The following FOXP2 variants were observed in gnomAD, a reference collection of about 807,000 sequenced individuals.
FOXP2 encodes the protein forkhead box P2, also known as forkhead box protein P2.
A neutral mutation model predicts 115.8 loss-of-function variants in FOXP2; 12 were observed. That is an observed-to-expected ratio of 0.10 (90% CI 0.07 to 0.17). FOXP2 has a LOEUF of 0.17. Among genes scored for constraint, FOXP2 ranks in the 10% least tolerant of loss-of-function variants. The probability of loss-of-function intolerance (pLI) is 1.00; values close to 1 mark genes in which losing one functional copy is unlikely to be tolerated. For synonymous variants in FOXP2, 328 were observed against 297.7 expected, an observed-to-expected ratio of 1.10 and a Z score of -1.05; for missense variants, 629 against 843.5, an observed-to-expected ratio of 0.75 and a Z score of 3.15.
intron 2 of FOXP2, among the ~76,000 whole-genome samples, chr7:114,372,846 T>C (rs987166387): frequency 1.1e-4 from 17 of 152,312 alleles, no homozygotes; most frequent in African/African-American, 3.6e-4. Flanking sequence ...TTGCGTAACA[T>C]GTTTAAGTTA....
chr7:114,563,876 T>C (rs1173289631), intron 3 of FOXP2, among the ~76,000 whole-genome samples: 1 of 150,128 alleles, frequency 6.7e-6, no homozygotes, highest in Non-Finnish European at 1.5e-5. Flanking sequence ...CCTTATCCTT[T>C]ACTCTCTCAC....
intron 3 of FOXP2, among the ~76,000 whole-genome samples, chr7:114,590,714 A>T (rs1802398342): frequency 6.6e-6 from 1 of 152,138 alleles, no homozygotes; most frequent in South Asian, 2.1e-4. Flanking sequence ...TGTAAGGGCT[A>T]GTATTTGAGT....
intron 1 of FOXP2, among the ~76,000 whole-genome samples, chr7:114,253,819 ATTTGATCCTGTCAT>A (rs1359002894): frequency 2.0e-5 from 3 of 152,134 alleles, no homozygotes; most frequent in Non-Finnish European, 4.4e-5. Flanking sequence ...TTATGTGTGA[ATTTGATCCTGTCAT>A]TATGATGTTA....
chr7:114,160,337 T>G (rs1019667646), upstream of FOXP2, among the ~76,000 whole-genome samples: 1 of 152,104 alleles, frequency 6.6e-6, no homozygotes, highest in Non-Finnish European at 1.5e-5. Context: ...TTTGGGATAT[T>G]GTTTTCTGAG....
intron 1 of FOXP2, among the ~76,000 whole-genome samples, chr7:114,172,445 G>C (rs1225981344): frequency 6.6e-6 from 1 of 152,158 alleles, no homozygotes; most frequent in South Asian, 2.1e-4. Context: ...GGCATTATGT[G>C]TTTGTCAAAA....
At chr7:114,439,733 A>G (rs1794516519) in intron 2 of FOXP2, among the ~76,000 whole-genome samples, 1 of 150,354 alleles carries the variant, frequency 6.7e-6, no homozygotes, top group South Asian at 2.1e-4. Context: ...GTGTGTATAT[A>G]GATGTGTGTG....
Position 114,176,179 on chromosome 7 carries a change from T to TTCTTG in FOXP2, c.-102+13141_-102+13145dup, listed in dbSNP as rs67055887. 8.4e-3 allele frequency among the ~76,000 whole-genome samples: 1,224 copies of TTCTTG among 145,366 alleles called. 7 individuals carry two copies. Among genetic ancestry groups the TTCTTG allele is most frequent in the East Asian group, 0.013 (62 of 4,900 alleles). On this transcript the variant is annotated intron_variant, in intron 1 of 17. Transcript: ENST00000634411. The stretch of plus-strand genomic sequence containing the variant: ...GATCCACACAGGTTTGATTTCTCTT[T>TTCTTG]TCTTGTCTTGTCTTGTCTTGTCTTG...
chr7:114,686,289 C>T (rs531733907), intron 16 of FOXP2, among the ~76,000 whole-genome samples: 3 of 152,086 alleles, frequency 2.0e-5, no homozygotes, highest in South Asian at 2.1e-4. Context: ...TTTCCCACCT[C>T]GGCCTCCCGA....
chr7:114,319,049 G>T (rs1797343585), intron 2 of FOXP2, among the ~76,000 whole-genome samples: 1 of 150,784 alleles, frequency 6.6e-6, no homozygotes, highest in South Asian at 2.1e-4. Context: ...TAGCAACCCT[G>T]CCCTAATGAA....
chr7:114,366,993 T>C (rs1791896783), intron 2 of FOXP2, among the ~76,000 whole-genome samples: 1 of 152,296 alleles, frequency 6.6e-6, no homozygotes, highest in South Asian at 2.1e-4. Flanking sequence ...TCCACTTAAC[T>C]ATTTAGATTT....
chr7:114,359,382 G>A (rs1402454721), intron 2 of FOXP2, among the ~76,000 whole-genome samples: 1 of 152,240 alleles, frequency 6.6e-6, no homozygotes, highest in African/African-American at 2.4e-5. Flanking sequence ...GAGCACAAAA[G>A]GGAAATGTGG....
chr7:114,309,865 A>G (rs991037924), intron 2 of FOXP2, among the ~76,000 whole-genome samples: 2 of 147,358 alleles, frequency 1.4e-5, no homozygotes, highest in Admixed American at 6.8e-5. Context: ...GGGGCTTGCT[A>G]TATTGCCCAG....
chr7:114,160,433 T>G (rs1325116750), upstream of FOXP2, among the ~76,000 whole-genome samples: 6 of 152,144 alleles, frequency 3.9e-5, no homozygotes, highest in African/African-American at 1.4e-4. Context: ...AATTCTTTCT[T>G]TGTATATGGT....
intron 7 of FOXP2, among the ~76,000 whole-genome samples, chr7:114,644,181 C>G (rs991307061): frequency 2.0e-5 from 3 of 152,130 alleles, no homozygotes; most frequent in Non-Finnish European, 4.4e-5. Context: ...CTAATGAATA[C>G]TGTTCCAAAG....
At chr7:114,243,997 T>C (rs1795217672) in intron 1 of FOXP2, among the ~76,000 whole-genome samples, 1 of 152,124 alleles carries the variant, frequency 6.6e-6, no homozygotes, top group Non-Finnish European at 1.5e-5. Context: ...TTATTCTTTT[T>C]CATATAATGA....
intron 1 of FOXP2, among the ~76,000 whole-genome samples, chr7:114,126,331 T>C (rs1156685210): frequency 6.6e-6 from 1 of 152,094 alleles, no homozygotes; most frequent in Non-Finnish European, 1.5e-5. Flanking sequence ...TATGCATATG[T>C]ATGTGTCAGT....
At chr7:114,293,048 A>C (rs1796647480) in intron 2 of FOXP2, among the ~76,000 whole-genome samples, 9 of 152,180 alleles carry the variant, frequency 5.9e-5, no homozygotes, top group Admixed American at 5.9e-4. Context: ...TGGGAAAAAC[A>C]CGAATCACTG....
At chr7:114,528,784 A>C (rs1798997499) in intron 2 of FOXP2, among the ~76,000 whole-genome samples, 1 of 151,866 alleles carries the variant, frequency 6.6e-6, no homozygotes, top group African/African-American at 2.4e-5. Flanking sequence ...GAAAAAAAAA[A>C]CCCTGCTAAG....
At chr7:114,664,518 A>T in intron 16 of FOXP2, 82 bp downstream of exon 16, 1 of 1,497,754 alleles carries the variant, frequency 6.7e-7, no homozygotes, top group Non-Finnish European at 9.2e-7. Context: ...CGAAGTTTTT[A>T]CTGTTGTATA....
Sources: allele counts gnomAD v4.1 joint callset (sites outside exome capture counted in the v4.1 genomes callset), GRCh38; gene constraint gnomAD v4.1.1; transcripts MANE v1.5; gene names NCBI Gene and HGNC (gene_info 2026-07-23, HGNC 2026-07-21).